The following ATAD2B variants were observed in gnomAD, a reference collection of about 807,000 sequenced individuals.
ATAD2B encodes the protein ATPase family AAA domain containing 2B.
In ATAD2B, 40 loss-of-function variants were observed where a neutral mutation model predicts 167.6. The observed-to-expected ratio is 0.24, with a 90% CI of 0.19 to 0.31. ATAD2B has a LOEUF of 0.31. Among genes scored for constraint, ATAD2B ranks in the 10% least tolerant of loss-of-function variants. The pLI is 1.00. For synonymous variants in ATAD2B, 579 were observed against 596.5 expected (o/e 0.97, Z 0.43); for missense variants, 1,242 against 1,757.2 (o/e 0.71, Z 5.24).
At chr2:23,699,177 C>T in the ATAD2B span, among the ~76,000 whole-genome samples, 2 of 152,242 alleles carry the variant, frequency 1.3e-5, no homozygotes, top group African/African-American at 4.8e-5. Context: ...GAGGCACGGG[C>T]TCTGGGAGGC....
intron 2 of ATAD2B, among the ~76,000 whole-genome samples, chr2:23,895,150 TA>T (rs778012420): frequency 1.3e-5 from 2 of 151,338 alleles, no homozygotes; most frequent in African/African-American, 2.4e-5. Context: ...CAGACCCATG[TA>T]AAAAAAAATT....
At chr2:23,714,705 A>C in the ATAD2B span, among the ~76,000 whole-genome samples, 1 of 151,830 alleles carries the variant, frequency 6.6e-6, no homozygotes, top group African/African-American at 2.4e-5. Flanking sequence ...AAATACAAAA[A>C]TTAGCTGGGC....
intron 19 of ATAD2B, among the ~76,000 whole-genome samples, chr2:23,794,594 C>A (rs1682312232): frequency 6.6e-6 from 1 of 152,014 alleles, no homozygotes; most frequent in Non-Finnish European, 1.5e-5. Context: ...AGTAAAAAAT[C>A]TGAAAATATT....
chr2:23,694,081 C>T, the ATAD2B span, among the ~76,000 whole-genome samples: 1 of 152,254 alleles, frequency 6.6e-6, no homozygotes, highest in Non-Finnish European at 1.5e-5. Flanking sequence ...GTGACAGCCA[C>T]AAGTCCCTAT....
chr2:23,890,976 C>T (rs1182428512), intron 2 of ATAD2B, among the ~76,000 whole-genome samples: 4 of 151,236 alleles, frequency 2.6e-5, no homozygotes, highest in Admixed American at 6.6e-5. Context: ...AAAGGAGACA[C>T]GACATGAAAT....
At chr2:23,729,569 T>C in the ATAD2B span, among the ~76,000 whole-genome samples, 1 of 152,134 alleles carries the variant, frequency 6.6e-6, no homozygotes, top group African/African-American at 2.4e-5. Context: ...TTCTGTTTTA[T>C]GGAATAAGAT....
intron 12 of ATAD2B, among the ~76,000 whole-genome samples, chr2:23,861,972 G>T (rs906873073): frequency 1.3e-5 from 2 of 152,184 alleles, no homozygotes; most frequent in African/African-American, 2.4e-5. Flanking sequence ...AGGCCAAGGC[G>T]GGAGGATAGC....
chr2:23,875,418 T>G (rs1237569914), intron 8 of ATAD2B, among the ~76,000 whole-genome samples: 1 of 151,904 alleles, frequency 6.6e-6, no homozygotes, highest in Non-Finnish European at 1.5e-5. Context: ...GAGAATTGCT[T>G]GAACCCAGGA....
the ATAD2B span, among the ~76,000 whole-genome samples, chr2:23,704,810 A>G: frequency 0.092 from 13,980 of 152,302 alleles, 785 homozygotes; most frequent in Middle Eastern, 0.17. Context: ...CAGGACTCCC[A>G]TAGCAGATGC....
the ATAD2B span, among the ~76,000 whole-genome samples, chr2:23,714,969 T>A: frequency 6.6e-6 from 1 of 152,098 alleles, no homozygotes; most frequent in Non-Finnish European, 1.5e-5. Flanking sequence ...TTCATAGGAA[T>A]CATCTGTCCA....
the ATAD2B span, among the ~76,000 whole-genome samples, chr2:23,742,848 C>G: frequency 2.0e-5 from 3 of 151,902 alleles, no homozygotes; most frequent in Non-Finnish European, 4.4e-5. Flanking sequence ...AACAGTAGTT[C>G]TAAAAGTGAA....
At chr2:23,743,703 T>C (rs199618176), downstream of ATAD2B, among the ~76,000 whole-genome samples, 42 of 152,250 alleles carry the variant, frequency 2.8e-4, no homozygotes, top group East Asian at 7.3e-3. Context: ...CTTGGGTCAC[T>C]GAAGCCTCAA....
chr2:23,727,344 G>C, the ATAD2B span, among the ~76,000 whole-genome samples: 2 of 152,128 alleles, frequency 1.3e-5, no homozygotes, highest in African/African-American at 4.8e-5. Flanking sequence ...TATGTCATTA[G>C]GGAATTACAA....
the ATAD2B span, chr2:23,708,120 C>T: frequency 1.1e-3 from 172 of 152,332 alleles, 1 homozygote; most frequent in African/African-American, 4.0e-3. Context: ...AGACAGGACA[C>T]GCTTTCCATC....
chr2:23,692,579 C>G, the ATAD2B span, among the ~76,000 whole-genome samples: 2 of 152,174 alleles, frequency 1.3e-5, no homozygotes, highest in African/African-American at 4.8e-5. Context: ...TCTCGAGGTG[C>G]CAGGAACCAC....
chr2:23,734,281 C>T, the ATAD2B span, among the ~76,000 whole-genome samples: 8 of 152,072 alleles, frequency 5.3e-5, no homozygotes, highest in African/African-American at 9.7e-5. Flanking sequence ...CTCAGTCTCC[C>T]GAGTAGCTGG....
At chr2:23,718,920 A>C in the ATAD2B span, among the ~76,000 whole-genome samples, 1 of 152,184 alleles carries the variant, frequency 6.6e-6, no homozygotes, top group Non-Finnish European at 1.5e-5. Context: ...CTCTCCCATG[A>C]GGATCCTTGT....
At chr2:23,786,494 A>G (rs1680833862) in intron 20 of ATAD2B, among the ~76,000 whole-genome samples, 1 of 152,092 alleles carries the variant, frequency 6.6e-6, no homozygotes, top group Non-Finnish European at 1.5e-5. Flanking sequence ...ACAAACCTGG[A>G]CAGCATGTGA....
At chr2:23,789,301 T>C (rs964167171) in intron 19 of ATAD2B, among the ~76,000 whole-genome samples, 2 of 152,176 alleles carry the variant, frequency 1.3e-5, no homozygotes, top group Non-Finnish European at 2.9e-5. Context: ...GATATGCTGT[T>C]TAAATGCTCT....
Sources: gnomAD v4.1 joint callset for allele counts (sites outside exome capture counted in the v4.1 genomes callset) on GRCh38, gnomAD v4.1.1 for gene constraint, MANE v1.5 for transcripts, NCBI Gene and HGNC (gene_info 2026-07-23, HGNC 2026-07-21) for gene names.